ITPR1: variants seen among roughly 807,000 people sequenced by gnomAD.
ITPR1 encodes inositol 1,4,5-trisphosphate-gated calcium channel ITPR1.
A neutral mutation model predicts 318.4 loss-of-function variants in ITPR1; 96 were observed. The observed-to-expected ratio is 0.30, with a 90% CI of 0.26 to 0.36. ITPR1 has a LOEUF of 0.36. Among genes scored for constraint, ITPR1 ranks in the 10% least tolerant of loss-of-function variants. The pLI, the probability that ITPR1 is intolerant of heterozygous loss-of-function variation, is 1.00. For synonymous variants in ITPR1, 1,312 were observed against 1,289.9 expected, an observed-to-expected ratio of 1.02 and a Z score of -0.37; for missense variants, 2,440 against 3,460.2, an observed-to-expected ratio of 0.71 and a Z score of 7.40.
chr3:4,817,647 C>G (rs2049392826), intron 59 of ITPR1: 1 of 153,062 alleles, frequency 6.5e-6, no homozygotes, highest in African/African-American at 2.4e-5. Flanking sequence ...TCTTGTTGTC[C>G]TTACTTATTC....
At chr3:4,820,999 G>A (rs2049676036) in intron 60 of ITPR1, among the ~76,000 whole-genome samples, 1 of 152,192 alleles carries the variant, frequency 6.6e-6, no homozygotes, top group Non-Finnish European at 1.5e-5. Context: ...AGCCACAGTT[G>A]GGATGAGGCC....
intron 26 of ITPR1, among the ~76,000 whole-genome samples, chr3:4,681,630 T>TGC (rs1468064647): frequency 1.3e-5 from 2 of 149,532 alleles, no homozygotes; most frequent in African/African-American, 2.5e-5. Flanking sequence ...AGAAAGTGTG[T>TGC]GTGTGTGTGT....
intron 4 of ITPR1, among the ~76,000 whole-genome samples, chr3:4,616,466 T>C (rs2092392520): frequency 6.6e-6 from 1 of 152,236 alleles, no homozygotes; most frequent in African/African-American, 2.4e-5. Flanking sequence ...ATTTTTATTC[T>C]CTTTCCTCTT....
intron 2 of ITPR1, 137 bp from the exon 3 acceptor site, chr3:4,516,339 C>A: frequency 1.9e-6 from 1 of 528,784 alleles, no homozygotes; most frequent in Non-Finnish European, 3.3e-6. Context: ...GAATCGCCTG[C>A]CTGTCAAACT....
rs371030812 is a variant in ITPR1, at chr3:4,805,976, C to T, written c.7108-127C>T. 6.5e-5 allele frequency: 49 copies of T among 756,860 alleles called. 1 individual carries two copies. In the East Asian group the frequency reaches 6.6e-4, roughly 10 times the overall value. The allele number at this position is 756,860 out of a possible 1,614,324, so 46.9% of individuals were successfully genotyped here. ...GGGTCTTGGCGGGTTTGGTGGGCAC[C>T]GGGTGGAAAAGGAAGCGTTTGTTTG... On this transcript the variant is annotated intron_variant, in intron 54 of 61. Transcript: ENST00000649015.
chr3:4,751,192 A>G (rs1383419459), intron 44 of ITPR1: 1 of 152,624 alleles, frequency 6.6e-6, no homozygotes, highest in Non-Finnish European at 1.5e-5. Context: ...ACCGCAAGAA[A>G]ACAAGAGAAT....
At chr3:4,616,793 A>G (rs1399258083) in intron 4 of ITPR1, among the ~76,000 whole-genome samples, 1 of 152,054 alleles carries the variant, frequency 6.6e-6, no homozygotes, top group Non-Finnish European at 1.5e-5. Context: ...AGGGTGTAGC[A>G]GAGATGGGCT....
intron 4 of ITPR1, among the ~76,000 whole-genome samples, chr3:4,592,013 T>G (rs1005960609): frequency 3.9e-5 from 6 of 152,234 alleles, no homozygotes; most frequent in African/African-American, 1.4e-4. Flanking sequence ...CTGCTTTTGA[T>G]CTTTTGCCCT....
intron 56 of ITPR1, 75 bp from the exon 57 acceptor site, chr3:4,813,067 G>A (rs1000726728): frequency 3.3e-5 from 34 of 1,025,070 alleles, no homozygotes; most frequent in South Asian, 5.1e-5. Flanking sequence ...TTAATCAGCC[G>A]TGAATTGGGG....
chr3:4,752,245 C>T lies in ITPR1; in HGVS notation c.5545-14285C>T, dbSNP rs531260570. Among the ~76,000 whole-genome samples, 135 of 152,254 alleles carry T rather than the reference C, an allele frequency of 8.9e-4. 1 individual carries two copies. Among genetic ancestry groups the T allele is most frequent in the African/African-American group, 3.1e-3 (128 of 41,536 alleles). ...TTATTAGCCTCCTTGCAACACAAAC[C>T]CACAAACTGTTGAGCCCAGAGCTTG... On this transcript the variant is annotated intron_variant, in intron 44 of 61. Coordinates refer to ENST00000649015, the MANE Select transcript of ITPR1 (RefSeq NM_001378452.1).
intron 42 of ITPR1, among the ~76,000 whole-genome samples, chr3:4,728,685 G>A (rs375881879): frequency 1.3e-5 from 2 of 152,118 alleles, no homozygotes; most frequent in African/African-American, 2.4e-5. Flanking sequence ...AGCAGGTCTT[G>A]TTCATTTTTT....
At chr3:4,616,197 T>G (rs1305890827) in intron 4 of ITPR1, among the ~76,000 whole-genome samples, 1 of 152,244 alleles carries the variant, frequency 6.6e-6, no homozygotes, top group Non-Finnish European at 1.5e-5. Context: ...AATTTTAGAT[T>G]ATTCTTCTAC....
chr3:4,809,187 T>C (rs1472245078), intron 55 of ITPR1, among the ~76,000 whole-genome samples: 1 of 152,182 alleles, frequency 6.6e-6, no homozygotes, highest in East Asian at 1.9e-4. Flanking sequence ...ATCCTGCCTT[T>C]CTGAAAGCAG....
chr3:4,722,359 A>G (rs2042224325), intron 40 of ITPR1, among the ~76,000 whole-genome samples: 1 of 152,162 alleles, frequency 6.6e-6, no homozygotes. Context: ...GCCTGAACGC[A>G]GTGACTGGTC....
At position 4,782,711 on chromosome 3, in the gene ITPR1, G is replaced by A. The variant is rs776052495; in HGVS notation, c.6480G>A (p.Val2160=). 2 of 1,589,994 alleles carry A rather than the reference G, an allele frequency of 1.3e-6. No homozygotes were observed. Among genetic ancestry groups the A allele is most frequent in the African/African-American group, 1.3e-5 (1 of 74,116 alleles). Residue 2160 remains valine (V), a synonymous_variant, in exon 50 of 62, where the codon GTG becomes GTA. Coordinates refer to ENST00000649015, the MANE Select transcript of ITPR1 (RefSeq NM_001378452.1). ...ATGGGGCGGCGTCCCCCAGGAACGT[G>A]GGGCACAACATCTACATATTAGCCC... is the stretch of plus-strand genomic sequence containing the variant. The part of the protein sequence containing the change: ...GEDGAASPRN[V]GHNIYILAHQ...
At chr3:4,799,569 C>T (rs1334479532) in intron 53 of ITPR1, among the ~76,000 whole-genome samples, 1 of 152,046 alleles carries the variant, frequency 6.6e-6, no homozygotes, top group Non-Finnish European at 1.5e-5. Flanking sequence ...ATATAAGTGG[C>T]CTTAATCATG....
intron 10 of ITPR1, among the ~76,000 whole-genome samples, chr3:4,648,027 C>G (rs889630109): frequency 6.6e-6 from 1 of 152,154 alleles, no homozygotes; most frequent in Non-Finnish European, 1.5e-5. Context: ...TGGCACATGC[C>G]TGTAATCCCA....
At position 4,673,217 on chromosome 3, in the gene ITPR1, C is replaced by G; in HGVS notation, c.2286C>G (p.Val762=). ...ACGAAATCTCAGGCCAGCTGGATGT[C>G]GATCTCATTCTCCGCTGCATGTCTG... is the stretch of plus-strand genomic sequence containing the variant. ...AINEISGQLD[V]DLILRCMSDE... Residue 762 remains valine, a synonymous_variant, in exon 21 of 62, where the codon GTC becomes GTG. Transcript: ENST00000649015. 1.2e-6 allele frequency: 2 copies of G among 1,613,956 alleles called. No homozygotes were observed. The highest frequency in any genetic ancestry group is 1.1e-5 in the South Asian group (1 of 91,076).
chr3:4,496,921 C>G (rs1237044586), intron 2 of ITPR1, among the ~76,000 whole-genome samples: 8 of 152,220 alleles, frequency 5.3e-5, no homozygotes, highest in African/African-American at 1.9e-4. Flanking sequence ...AGTTAGGTTT[C>G]TAGGTCAAGC....
Sources: allele counts gnomAD v4.1 joint callset (sites outside exome capture counted in the v4.1 genomes callset), GRCh38; gene constraint gnomAD v4.1.1; transcripts MANE v1.5; gene names NCBI Gene and HGNC (gene_info 2026-07-23, HGNC 2026-07-21).